SPATA16: variants seen among roughly 807,000 people sequenced by gnomAD.
SPATA16 encodes the protein spermatogenesis-associated protein 16.
Under a neutral mutation model 63.3 loss-of-function variants are expected in SPATA16, and 36 were observed. That is an observed-to-expected ratio of 0.57 (90% CI 0.44 to 0.75). The LOEUF is 0.75. Among genes scored for constraint, SPATA16 ranks in the 30% least tolerant of loss-of-function variants. The pLI is 0.00. For synonymous variants in SPATA16, 203 were observed against 216.7 expected, an observed-to-expected ratio of 0.94 and a Z score of 0.56; for missense variants, 646 against 679.3, an observed-to-expected ratio of 0.95 and a Z score of 0.54.
chr3:172,900,130 A>G (rs546743554), intron 10 of SPATA16, among the ~76,000 whole-genome samples: 1 of 152,206 alleles, frequency 6.6e-6, no homozygotes, highest in South Asian at 2.1e-4. Flanking sequence ...CTGATGATGA[A>G]TTCTCTCAGT....
chr3:173,025,052 AT>A (rs1020392204), intron 3 of SPATA16, among the ~76,000 whole-genome samples: 1 of 150,808 alleles, frequency 6.6e-6, no homozygotes, highest in South Asian at 2.1e-4. Flanking sequence ...TCAAAAGGGT[AT>A]TTTTTTCTTA....
At chr3:173,030,087 TATCTATCTATCTATCTACCC>T (rs1393022038) in intron 3 of SPATA16, among the ~76,000 whole-genome samples, 9 of 151,372 alleles carry the variant, frequency 5.9e-5, no homozygotes, top group African/African-American at 2.2e-4. Flanking sequence ...TCTATCTATC[TATCTATCTATCTATCTACCC>T]ACCCACCTAC....
intron 6 of SPATA16, among the ~76,000 whole-genome samples, chr3:172,928,265 G>A (rs1349087666): frequency 1.3e-5 from 2 of 152,118 alleles, no homozygotes; most frequent in Admixed American, 6.5e-5. Context: ...TAAAAGGATG[G>A]CTCATTTTTA....
chr3:173,082,424 C>A (rs928683786), intron 2 of SPATA16, among the ~76,000 whole-genome samples: 5 of 152,172 alleles, frequency 3.3e-5, no homozygotes, highest in Admixed American at 3.3e-4. Context: ...CCTTCCTTCC[C>A]GCTTCTGCCT....
Position 173,057,202 on chromosome 3 carries a change from C to T in SPATA16, c.613-8108G>A, listed in dbSNP as rs563661218. Among the ~76,000 whole-genome samples the T allele has an allele frequency of 6.6e-5, 10 of 151,484 alleles. No homozygotes were observed. The East Asian group carries it at 1.4e-3, about 21-fold the overall frequency. ...TCTTGGCTCACTGCAAGCTCCGCCTCCCGGATTCACGCCATTCTCCTGCCT... is the reference window on the plus strand; with the variant it reads ...TCTTGGCTCACTGCAAGCTCCGCCTTCCGGATTCACGCCATTCTCCTGCCT... On this transcript the variant is annotated intron_variant, in intron 2 of 10. Coordinates refer to ENST00000351008, the MANE Select transcript of SPATA16 (RefSeq NM_031955.6).
chr3:173,112,974 G>T (rs1737788960), intron 2 of SPATA16, among the ~76,000 whole-genome samples: 1 of 152,198 alleles, frequency 6.6e-6, no homozygotes, highest in African/African-American at 2.4e-5. Flanking sequence ...TATGAAGTTA[G>T]AAAAACCTTT....
At chr3:173,041,279 A>C (rs560007205) in intron 3 of SPATA16, among the ~76,000 whole-genome samples, 2 of 152,312 alleles carry the variant, frequency 1.3e-5, no homozygotes, top group South Asian at 4.1e-4. Context: ...ACATAAACTC[A>C]TGCACACATG....
intron 9 of SPATA16, 111 bp downstream of exon 9, chr3:172,916,206 C>T (rs1020059206): frequency 1.3e-5 from 18 of 1,357,622 alleles, no homozygotes; most frequent in Non-Finnish European, 1.8e-5. Context: ...GGAGTTTGCC[C>T]TCAGGCTACA....
In SPATA16 at chr3:173,004,649, C is replaced by T. The variant is rs556258297; in HGVS notation, c.848+14837G>A. On this transcript the variant is annotated intron_variant, in intron 4 of 10. Transcript: ENST00000351008. The stretch of plus-strand genomic sequence containing the variant: ...TCATTTGGGTTTCAAGATTGAGAAA[C>T]TCATTGTTTTTTGAGGTAGCTTCAT... Among the ~76,000 whole-genome samples, 20 of 152,308 alleles carry T rather than the reference C, an allele frequency of 1.3e-4. No homozygotes were observed. The South Asian group carries it at 3.1e-3, about 24-fold the overall frequency.
At chr3:173,135,979 T>A (rs1738535686) in intron 1 of SPATA16, among the ~76,000 whole-genome samples, 1 of 152,242 alleles carries the variant, frequency 6.6e-6, no homozygotes, top group Non-Finnish European at 1.5e-5. Context: ...AAATTTTACA[T>A]ACAAAGACTC....
At chr3:173,042,844 A>G (rs1010965568) in intron 3 of SPATA16, among the ~76,000 whole-genome samples, 1 of 152,158 alleles carries the variant, frequency 6.6e-6, no homozygotes, top group African/African-American at 2.4e-5. Flanking sequence ...TTAGTCTTAA[A>G]TTGATTTCTA....
chr3:173,026,725 T>C (rs1013530165), intron 3 of SPATA16, among the ~76,000 whole-genome samples: 1 of 151,976 alleles, frequency 6.6e-6, no homozygotes, highest in Non-Finnish European at 1.5e-5. Context: ...CAAAAATCAA[T>C]TAACCATATC....
chr3:172,983,971 T>G (rs1282484483), intron 4 of SPATA16, among the ~76,000 whole-genome samples: 1 of 71,850 alleles, frequency 1.4e-5, no homozygotes, highest in Non-Finnish European at 2.6e-5. Flanking sequence ...GGCCCCGCCC[T>G]GCTATTCCTA....
intron 4 of SPATA16, among the ~76,000 whole-genome samples, chr3:172,998,269 T>A (rs1483668660): frequency 6.6e-6 from 1 of 152,144 alleles, no homozygotes; most frequent in African/African-American, 2.4e-5. Flanking sequence ...TAGATTTATA[T>A]CTAAGTATTT....
In SPATA16 at chr3:172,924,291, T is replaced by C. The variant is rs770622651; in HGVS notation, c.1255A>G (p.Arg419Gly). 2 of 1,613,352 alleles carry C rather than the reference T, an allele frequency of 1.2e-6. No individual in the cohort carries two copies. Among genetic ancestry groups the C allele is most frequent in the Non-Finnish European group, 1.7e-6 (2 of 1,179,618 alleles). The change falls in exon 8 of 11, where the codon AGA becomes GGA. Residue 419 changes from arginine to glycine, a missense_variant. Physicochemically the swap from Arg to Gly is moderately radical, Grantham distance 125 (BLOSUM62 -2). Coordinates refer to ENST00000351008, the MANE Select transcript of SPATA16 (RefSeq NM_031955.6). ...TCCATTTGCCTCACTGTATCTTCTC[T>C]GGTCAGACCGAAAGGTGTTTTATGC... ...TEHKTPFGLT[R>G]EDTVRQMETM...
chr3:173,054,856 C>T lies in SPATA16; in HGVS notation c.613-5762G>A, dbSNP rs569482953. 2.0e-5 allele frequency among the ~76,000 whole-genome samples: 3 copies of T among 151,918 alleles called. No homozygotes were observed. In the South Asian group the frequency reaches 6.2e-4, roughly 32 times the overall value. Reference sequence around the variant, plus strand: ...CCATAGAAAATTCACCAATATAGACCATATCCTGGGCTATAAAACAAACCT... The same window carrying T: ...CCATAGAAAATTCACCAATATAGACTATATCCTGGGCTATAAAACAAACCT... On this transcript the variant is annotated intron_variant, in intron 2 of 10. Coordinates refer to ENST00000351008, the MANE Select transcript of SPATA16 (RefSeq NM_031955.6).
chr3:173,009,679 G>A (rs1735018729), intron 4 of SPATA16, among the ~76,000 whole-genome samples: 1 of 152,256 alleles, frequency 6.6e-6, no homozygotes, highest in Non-Finnish European at 1.5e-5. Context: ...CGCCAGGCAA[G>A]TCCCACCGGC....
At chr3:173,044,750 A>G (rs189826097) in intron 3 of SPATA16, among the ~76,000 whole-genome samples, 1 of 152,268 alleles carries the variant, frequency 6.6e-6, no homozygotes, top group East Asian at 1.9e-4. Context: ...CCTGAAAAAT[A>G]TGTTAAGATG....
intron 2 of SPATA16, among the ~76,000 whole-genome samples, chr3:173,067,206 T>C (rs892230173): frequency 5.9e-5 from 9 of 152,132 alleles, no homozygotes; most frequent in African/African-American, 2.2e-4. Flanking sequence ...TCAACCTAGA[T>C]GCCCAATAAC....
Sources: gnomAD v4.1 joint callset for allele counts (sites outside exome capture counted in the v4.1 genomes callset) on GRCh38, gnomAD v4.1.1 for gene constraint, MANE v1.5 for transcripts, NCBI Gene and HGNC (gene_info 2026-07-23, HGNC 2026-07-21) for gene names.